TDRD12: variants seen among roughly 807,000 people sequenced by gnomAD.
The protein encoded by TDRD12 is putative ATP-dependent RNA helicase TDRD12.
In TDRD12, 158 loss-of-function variants were observed where a neutral mutation model predicts 133.5. The observed-to-expected ratio is 1.18, with a 90% CI of 1.04 to 1.35. TDRD12 has a LOEUF of 1.35. Among genes scored for constraint, TDRD12 ranks in the 40% most tolerant of loss-of-function variants. TDRD12 has a pLI of 0.00. For synonymous variants in TDRD12, 460 were observed against 477.9 expected, an observed-to-expected ratio of 0.96 and a Z score of 0.49; for missense variants, 1,443 against 1,321.3, an observed-to-expected ratio of 1.09 and a Z score of -1.43.
At chr19:32,766,831 T>G (rs1970311096) in intron 8 of TDRD12, among the ~76,000 whole-genome samples, 1 of 151,992 alleles carries the variant, frequency 6.6e-6, no homozygotes, top group Non-Finnish European at 1.5e-5. Context: ...GCCAGGCTGG[T>G]CTCGAACTCC....
At chr19:32,811,498 G>C in intron 24 of TDRD12, 78 bp downstream of exon 24, 3 of 1,336,340 alleles carry the variant, frequency 2.2e-6, no homozygotes, top group Non-Finnish European at 3.1e-6. Context: ...ATTGAGGCCT[G>C]TCTGGATTTA....
chr19:32,815,573 C>T (rs1425262945), exon 26 of TDRD12: 45 of 1,536,038 alleles, frequency 2.9e-5, no homozygotes, highest in East Asian at 1.5e-4. Flanking sequence ...AAAAATTACG[C>T]GAAGATGCTA....
chr19:32,736,040 A>C lies in TDRD12; in HGVS notation c.184-2816A>C, dbSNP rs113796416. Among the ~76,000 whole-genome samples the C allele has an allele frequency of 1.8e-4, 28 of 151,962 alleles. 1 individual carries two copies. The highest frequency in any genetic ancestry group is 6.7e-4 in the African/African-American group (28 of 41,494). Reference sequence around the variant, plus strand: ...TAAAGGTCAGAGTGGCTTTCTTTTTAGGGGCTAATGCAGCTGGTGACTTTT... The same window carrying C: ...TAAAGGTCAGAGTGGCTTTCTTTTTCGGGGCTAATGCAGCTGGTGACTTTT... On this transcript the variant is annotated intron_variant, in intron 2 of 27. Transcript: ENST00000444215.
At chr19:32,732,364 A>G (rs1460509982) in intron 2 of TDRD12, among the ~76,000 whole-genome samples, 4 of 152,178 alleles carry the variant, frequency 2.6e-5, no homozygotes, top group Non-Finnish European at 5.9e-5. Flanking sequence ...GGTGGCCGCC[A>G]TGTAAGGTCC....
chr19:32,804,513 G>GAA (rs901301408), intron 21 of TDRD12, among the ~76,000 whole-genome samples: 1 of 147,592 alleles, frequency 6.8e-6, no homozygotes, highest in African/African-American at 2.5e-5. Flanking sequence ...CCAACATGGT[G>GAA]AAACCCCGTC....
At chr19:32,726,640 A>T (rs1968870928) in intron 1 of TDRD12, among the ~76,000 whole-genome samples, 1 of 151,966 alleles carries the variant, frequency 6.6e-6, no homozygotes, top group African/African-American at 2.4e-5. Flanking sequence ...GGACCCAACT[A>T]CTTGGGAGGC....
chr19:32,763,736 C>T (rs1198869383), intron 8 of TDRD12, among the ~76,000 whole-genome samples: 2 of 152,204 alleles, frequency 1.3e-5, no homozygotes, highest in African/African-American at 2.4e-5. Flanking sequence ...TTTTAACTAA[C>T]GGAGGTGTCC....
At chr19:32,771,179 T>G (rs955525975) in intron 8 of TDRD12, among the ~76,000 whole-genome samples, 3 of 152,120 alleles carry the variant, frequency 2.0e-5, no homozygotes, top group Non-Finnish European at 4.4e-5. Flanking sequence ...TTTATTTATT[T>G]AGATTTTTTG....
intron 11 of TDRD12, among the ~76,000 whole-genome samples, chr19:32,780,700 G>A (rs1970737768): frequency 6.6e-6 from 1 of 152,124 alleles, no homozygotes; most frequent in Admixed American, 6.5e-5. Context: ...GTGCTGCGGA[G>A]CTCTGCAGTC....
Position 32,802,956 on chromosome 19 carries a change from A to C in TDRD12, c.2366A>C (p.Lys789Thr). ...GCAGAACAGGGAGATAAGAAAGCCA[A>C]ATCTGTCTTGCTGCTGACGGAGAAA... The change falls in exon 21 of 28, where the codon AAA becomes ACA. Residue 789 changes from lysine to threonine, a missense_variant. Coordinates refer to ENST00000444215, the Ensembl canonical transcript of TDRD12. 3 of 1,535,894 alleles carry C rather than the reference A, an allele frequency of 2.0e-6. No homozygotes were observed. The South Asian group carries it at 3.6e-5, about 18-fold the overall frequency.
Position 32,798,216 on chromosome 19 carries a change from G to A in TDRD12, c.1631-92G>A, listed in dbSNP as rs946439064. On this transcript the variant is annotated intron_variant, in intron 15 of 27. Coordinates refer to ENST00000444215, the Ensembl canonical transcript of TDRD12. ...AAACAGTGTTTTACTTCATTAGAAG[G>A]CATTTCTAGAAAGTATGTGGACTCT... The A allele has an allele frequency of 7.1e-6, 9 of 1,258,820 alleles. No homozygotes were observed. In the Admixed American group the frequency reaches 1.5e-4, roughly 22 times the overall value. 78.0% of individuals were successfully genotyped at this position (1,258,820 alleles called of 1,614,324 possible). A position where few individuals can be genotyped will look rare whatever the true frequency, so the allele number is the denominator to read the frequency against.
intron 6 of TDRD12, among the ~76,000 whole-genome samples, chr19:32,754,756 A>C (rs1343541556): frequency 1.4e-5 from 2 of 145,270 alleles, no homozygotes; most frequent in African/African-American, 5.1e-5. Flanking sequence ...GGCTCACCGC[A>C]ACCTCTGCCT....
Position 32,811,432 on chromosome 19 carries a change from T to C in TDRD12, c.3048+12T>C. ...AATGGAATCCGAAGGTGGGTGATTT[T>C]GGCTTTTTATCTATTGTTGACTTTT... On this transcript the variant is annotated intron_variant, in intron 24 of 27. Coordinates refer to ENST00000444215, the Ensembl canonical transcript of TDRD12. 6.5e-7 allele frequency: 1 copy of C among 1,534,512 alleles called. No individual in the cohort carries two copies. Among genetic ancestry groups the C allele is most frequent in the South Asian group, 1.2e-5 (1 of 83,992 alleles).
chr19:32,811,130 T>G (rs1009264083), intron 23 of TDRD12, 80 bp from the exon 24 acceptor site: 1 of 1,151,420 alleles, frequency 8.7e-7, no homozygotes, highest in Non-Finnish European at 1.2e-6. Flanking sequence ...TTTTATATGT[T>G]TTCCATTTCA....
At chr19:32,770,094 C>T (rs1970405286) in intron 8 of TDRD12, among the ~76,000 whole-genome samples, 1 of 151,290 alleles carries the variant, frequency 6.6e-6, no homozygotes, top group Non-Finnish European at 1.5e-5. Context: ...GCAGCCTCTG[C>T]CTCCCAACTT....
intron 14 of TDRD12, among the ~76,000 whole-genome samples, chr19:32,795,343 AAAAAAAAAAG>A (rs1424377352): frequency 6.6e-6 from 1 of 151,684 alleles, no homozygotes; most frequent in Non-Finnish European, 1.5e-5. Context: ...CAGAAAAAAA[AAAAAAAAAAG>A]AAAGAAAAAG....
chr19:32,805,729 C>CTTTTTTT (rs397860060), intron 21 of TDRD12, among the ~76,000 whole-genome samples: 2 of 118,876 alleles, frequency 1.7e-5, no homozygotes, highest in African/African-American at 3.3e-5. Context: ...TTTTTTTTAT[C>CTTTTTTT]TTTTTTTTTT....
rs1319499987 is a variant in TDRD12, at chr19:32,784,597, G to A, written c.1122-5934G>A. Among the ~76,000 whole-genome samples the A allele has an allele frequency of 9.9e-5, 15 of 152,134 alleles. No individual in the cohort carries two copies. In the East Asian group the frequency reaches 2.3e-3, roughly 23 times the overall value. On this transcript the variant is annotated intron_variant, in intron 11 of 27. Coordinates refer to ENST00000444215, the Ensembl canonical transcript of TDRD12. ...GCTCTTTCTACCTCTGGTAGAATTC[G>A]GCTGTGAATCTGTCTGTTCCTGGAA...
intron 8 of TDRD12, among the ~76,000 whole-genome samples, chr19:32,769,759 C>T (rs1970393873): frequency 6.6e-6 from 1 of 152,074 alleles, no homozygotes; most frequent in South Asian, 2.1e-4. Context: ...GCCTCAGCCT[C>T]CTGAGCAGCT....
Sources: gnomAD v4.1 joint callset for allele counts (sites outside exome capture counted in the v4.1 genomes callset) on GRCh38, gnomAD v4.1.1 for gene constraint, MANE v1.5 for transcripts, NCBI Gene and HGNC (gene_info 2026-07-23, HGNC 2026-07-21) for gene names.